The following WDR1 variants were observed in gnomAD, a reference collection of about 807,000 sequenced individuals.
WDR1 encodes the protein WD repeat domain 1, also known as WD repeat-containing protein 1.
A neutral mutation model predicts 71.9 loss-of-function variants in WDR1; 21 were observed. The ratio of observed to expected loss-of-function variants is 0.29; its 90% CI spans 0.21 to 0.42. WDR1 has a LOEUF of 0.42. Among genes scored for constraint, WDR1 ranks in the 10% least tolerant of loss-of-function variants. The pLI, the probability that WDR1 is intolerant of heterozygous loss-of-function variation, is 1.00. For missense variants in WDR1, 696 were observed against 824.5 expected (o/e 0.84, Z 1.91); for synonymous variants, 424 against 347.4 (o/e 1.22, Z -2.45).
intron 2 of WDR1, among the ~76,000 whole-genome samples, chr4:10,111,251 T>A (rs1713340193): frequency 6.6e-6 from 1 of 152,136 alleles, no homozygotes; most frequent in African/African-American, 2.4e-5. Context: ...TCAGCCTGGG[T>A]CCTGTCCACT....
At chr4:10,112,662 C>T (rs555126003) in intron 2 of WDR1, among the ~76,000 whole-genome samples, 52 of 150,994 alleles carry the variant, frequency 3.4e-4, no homozygotes, top group Middle Eastern at 3.4e-3. Context: ...GTATGAAAGG[C>T]GATTCCACAA....
At chr4:10,115,420 G>A (rs1391416610) in intron 2 of WDR1, among the ~76,000 whole-genome samples, 1 of 152,230 alleles carries the variant, frequency 6.6e-6, no homozygotes, top group Non-Finnish European at 1.5e-5. Context: ...ACTGCTTCCT[G>A]TTTTTGCTTT....
chr4:10,114,133 G>C (rs1166755700), intron 2 of WDR1, among the ~76,000 whole-genome samples: 1 of 152,140 alleles, frequency 6.6e-6, no homozygotes, highest in Non-Finnish European at 1.5e-5. Context: ...AAGAGACTCA[G>C]TGCCTGATCT....
intron 2 of WDR1, among the ~76,000 whole-genome samples, chr4:10,111,270 G>A (rs933184000): frequency 2.0e-5 from 3 of 152,120 alleles, no homozygotes; most frequent in African/African-American, 7.2e-5. Context: ...CTCCCCTCAC[G>A]CTCAGTGCCA....
chr4:10,099,174 C>CCGGGGGGGGGGGGGGGGGGGGGGGGG, intron 3 of WDR1, 35 bp from the exon 4 acceptor site: 1 of 109,374 alleles, frequency 9.1e-6, no homozygotes, highest in Non-Finnish European at 1.8e-5. Context: ...GGGGGGGAGG[C>CCGGGGGGGGGGGGGGGGGGGGGGGGG]GGTGGTGGGG....
At chr4:10,085,098 ACACAAGGCTGGTC>A (rs1201557030) in intron 8 of WDR1, among the ~76,000 whole-genome samples, 2 of 152,218 alleles carry the variant, frequency 1.3e-5, no homozygotes, top group Non-Finnish European at 2.9e-5. Context: ...AGTGGAGGGC[ACACAAGGCTGGTC>A]CACAACCAGA....
chr4:10,081,669 G>A (rs1304848457), intron 10 of WDR1, among the ~76,000 whole-genome samples: 1 of 135,436 alleles, frequency 7.4e-6, no homozygotes, highest in Non-Finnish European at 1.6e-5. Context: ...GGGGTGGGGG[G>A]GGGGGAAGGA....
In WDR1 at chr4:10,097,828, T is replaced by C. The variant is rs1712442258; in HGVS notation, c.441A>G (p.Lys147=). The part of the protein sequence containing the change: ...SSVGEITGHN[K]VINSVDIKQS... ...GCTTGATGTCCACGCTGTTGATGAC[T>C]TTGTTGTGTCCTGTAATCTCGCCCA... The change falls in exon 5 of 15, where the codon AAA becomes AAG. Residue 147 remains lysine (K), a synonymous_variant. Coordinates refer to ENST00000499869, the MANE Select transcript of WDR1 (RefSeq NM_017491.5). 6.2e-7 allele frequency: 1 copy of C among 1,613,242 alleles called. No individual in the cohort carries two copies. The highest frequency in any genetic ancestry group is 8.5e-7 in the Non-Finnish European group (1 of 1,179,716).
Position 10,075,359 on chromosome 4 carries a change from G to C in WDR1, c.*19C>G, listed in dbSNP as rs765974235. 1.3e-6 allele frequency: 2 copies of C among 1,598,694 alleles called. No homozygotes were observed. Among genetic ancestry groups the C allele is most frequent in the East Asian group, 2.2e-5 (1 of 44,810 alleles). On this transcript the variant is annotated 3_prime_UTR_variant, in exon 15 of 15. Transcript: ENST00000499869. Reference sequence around the variant, plus strand: ...TCTAGTCCCTGATTCGGTCCATCCAGAGGCGGGGGTGGGGCTCCTCAGTAG... The same window carrying C: ...TCTAGTCCCTGATTCGGTCCATCCACAGGCGGGGGTGGGGCTCCTCAGTAG...
At chr4:10,109,966 T>C (rs748253556) in intron 2 of WDR1, among the ~76,000 whole-genome samples, 1 of 152,154 alleles carries the variant, frequency 6.6e-6, no homozygotes, top group Non-Finnish European at 1.5e-5. Context: ...CATGATAACA[T>C]TCCTCCCACT....
At chr4:10,100,508 A>T (rs1242042620) in intron 3 of WDR1, among the ~76,000 whole-genome samples, 1 of 152,260 alleles carries the variant, frequency 6.6e-6, no homozygotes, top group Non-Finnish European at 1.5e-5. Context: ...TTGTGGGCAG[A>T]CACAGCCCGA....
chr4:10,088,406 T>C, intron 6 of WDR1, 33 bp from the exon 7 acceptor site: 1 of 1,541,098 alleles, frequency 6.5e-7, no homozygotes, highest in South Asian at 1.2e-5. Flanking sequence ...GGGTCATGTG[T>C]GTGTGAACAC....
At chr4:10,105,602 G>A (rs1016192377) in intron 2 of WDR1, among the ~76,000 whole-genome samples, 1 of 152,150 alleles carries the variant, frequency 6.6e-6, no homozygotes, top group African/African-American at 2.4e-5. Flanking sequence ...TCAATAAAAA[G>A]AAAAGACTGA....
At chr4:10,114,311 C>G (rs1404268853) in intron 2 of WDR1, among the ~76,000 whole-genome samples, 1 of 152,204 alleles carries the variant, frequency 6.6e-6, no homozygotes, top group Non-Finnish European at 1.5e-5. Context: ...ATGGGTTTCA[C>G]AAGCTGGGAA....
intron 2 of WDR1, among the ~76,000 whole-genome samples, chr4:10,114,566 C>A (rs187637619): frequency 2.0e-5 from 3 of 152,198 alleles, no homozygotes; most frequent in African/African-American, 4.8e-5. Flanking sequence ...TGGTTAGGGG[C>A]AAAACGAAAT....
intron 10 of WDR1, among the ~76,000 whole-genome samples, chr4:10,082,210 T>C (rs1304401107): frequency 6.6e-6 from 1 of 152,304 alleles, no homozygotes; most frequent in East Asian, 1.9e-4. Flanking sequence ...AGATGCCCAG[T>C]CTGCCAGGCA....
intron 5 of WDR1, among the ~76,000 whole-genome samples, chr4:10,091,357 A>C (rs1190217206): frequency 6.6e-6 from 1 of 152,224 alleles, no homozygotes; most frequent in Non-Finnish European, 1.5e-5. Flanking sequence ...TTTCCCCAGA[A>C]GGCCCGATCC....
intron 5 of WDR1, among the ~76,000 whole-genome samples, chr4:10,090,727 C>A (rs1711915081): frequency 6.6e-6 from 1 of 152,190 alleles, no homozygotes; most frequent in African/African-American, 2.4e-5. Context: ...ACCTCATTGA[C>A]CCGTGTTTTA....
In WDR1 at chr4:10,083,001, C is replaced by G. The variant is rs752638183; in HGVS notation, c.1196+21G>C. ...GGAGCTGAGGCTCATCCGGAACCCC[C>G]GCAGACCCGAGTGCTCTCACCTGTA... is the stretch of plus-strand genomic sequence containing the variant. On this transcript the variant is annotated intron_variant, in intron 10 of 14. Coordinates refer to ENST00000499869, the MANE Select transcript of WDR1 (RefSeq NM_017491.5). 8 of 1,596,568 alleles carry G rather than the reference C, an allele frequency of 5.0e-6. No individual in the cohort carries two copies. The African/African-American group carries it at 1.1e-4, about 21-fold the overall frequency.
Sources: gnomAD v4.1 joint callset for allele counts (sites outside exome capture counted in the v4.1 genomes callset) on GRCh38, gnomAD v4.1.1 for gene constraint, MANE v1.5 for transcripts, NCBI Gene and HGNC (gene_info 2026-07-23, HGNC 2026-07-21) for gene names.